MR1: variants seen among roughly 807,000 people sequenced by gnomAD.
MR1 encodes the protein major histocompatibility complex, class I-related, also known as major histocompatibility complex class I-related protein 1.
In MR1, 44 loss-of-function variants were observed where a neutral mutation model predicts 37.8. The observed-to-expected ratio is 1.16, with a 90% CI of 0.91 to 1.50. The LOEUF is 1.50. MR1 is among the 40% of genes most tolerant of loss of function. The probability of loss-of-function intolerance (pLI) is 0.00; values close to 1 mark genes in which losing one functional copy is unlikely to be tolerated. For synonymous variants in MR1, 153 were observed against 155.8 expected (o/e 0.98, Z 0.13); for missense variants, 386 against 419.1 (o/e 0.92, Z 0.69).
rs1658787837 is a variant in MR1 at position 181,059,208 on chromosome 1, T to C, written c.*3943T>C. The C allele has an allele frequency of 6.6e-6, 1 of 152,194 alleles. No individual in the cohort carries two copies. Among genetic ancestry groups the C allele is most frequent in the South Asian group, 2.1e-4 (1 of 4,832 alleles). The allele number at this position is 152,194 out of a possible 1,614,324, so 9.4% of individuals were successfully genotyped here. On this transcript the variant is annotated 3_prime_UTR_variant, in exon 6 of 6. Coordinates refer to ENST00000367580, the MANE Select transcript of MR1 (RefSeq NM_001385161.1). The stretch of plus-strand genomic sequence containing the variant: ...TAGCTTCAGGACATTCAGTACATTG[T>C]GCTTTTTAGAGGTTGATGATTCCAC...
intron 5 of MR1, among the ~76,000 whole-genome samples, chr1:181,054,698 T>TAA (rs11400602): frequency 8.1e-4 from 119 of 146,136 alleles, no homozygotes; most frequent in African/African-American, 2.2e-3. Flanking sequence ...CTGAAAATAT[T>TAA]AAAAAAAAAA....
At chr1:181,045,288 G>C (rs931836777) in intron 1 of MR1, among the ~76,000 whole-genome samples, 3 of 152,096 alleles carry the variant, frequency 2.0e-5, no homozygotes, top group Non-Finnish European at 4.4e-5. Flanking sequence ...TGCAGACACC[G>C]GCAGGCAGAG....
rs746985326 is a variant in MR1, at chr1:181,053,682, G to A, written c.985+5G>A. On this transcript the variant is annotated splice_donor_5th_base_variant and intron_variant, in intron 5 of 5. Coordinates refer to ENST00000367580, the MANE Select transcript of MR1 (RefSeq NM_001385161.1). The stretch of plus-strand genomic sequence containing the variant: ...TCTGGAGAAGAAGGCCCCGAGGTGA[G>A]AGGCACATGGAAGGGATCCAGGGGG... 6.3e-7 allele frequency: 1 copy of A among 1,598,572 alleles called. No homozygotes were observed. Among genetic ancestry groups the A allele is most frequent in the East Asian group, 2.2e-5 (1 of 44,814 alleles).
intron 1 of MR1, among the ~76,000 whole-genome samples, chr1:181,034,870 T>C (rs949475871): frequency 6.6e-6 from 1 of 152,164 alleles, no homozygotes; most frequent in African/African-American, 2.4e-5. Context: ...GGGGGGTGGA[T>C]GATTAGAAAT....
In MR1 at chr1:181,059,027, T is replaced by A. The variant is rs2102414033; in HGVS notation, c.*3762T>A. ...GAGTTTGCTATTTTCTCACACACAG[T>A]GTATTAGTTCACAGAATGTTCTCCA... On this transcript the variant is annotated 3_prime_UTR_variant, in exon 6 of 6. Coordinates refer to ENST00000367580, the MANE Select transcript of MR1 (RefSeq NM_001385161.1). The A allele has an allele frequency of 6.6e-6, 1 of 152,324 alleles. No homozygotes were observed. Among genetic ancestry groups the A allele is most frequent in the East Asian group, 1.9e-4 (1 of 5,180 alleles). The allele number at this position is 152,324 out of a possible 1,614,324, so 9.4% of individuals were successfully genotyped here.
intron 3 of MR1, chr1:181,050,946 G>A (rs150689890): frequency 1.3e-5 from 2 of 152,178 alleles, no homozygotes; most frequent in African/African-American, 4.8e-5. Context: ...CCATGATCAT[G>A]ATCAGCCTGG....
At chr1:181,040,444 T>G (rs1229482213) in intron 1 of MR1, among the ~76,000 whole-genome samples, 2 of 152,194 alleles carry the variant, frequency 1.3e-5, no homozygotes, top group African/African-American at 4.8e-5. Flanking sequence ...ACCTGGACTT[T>G]TCCTCATCTT....
intron 1 of MR1, among the ~76,000 whole-genome samples, chr1:181,048,821 G>A (rs1313290589): frequency 2.0e-5 from 3 of 152,128 alleles, no homozygotes; most frequent in Non-Finnish European, 4.4e-5. Context: ...ATTCCATCCT[G>A]CATTTGCAAA....
chr1:181,044,282 T>G (rs931105515), intron 1 of MR1, among the ~76,000 whole-genome samples: 1 of 152,148 alleles, frequency 6.6e-6, no homozygotes, highest in Non-Finnish European at 1.5e-5. Flanking sequence ...TTCTTAACTA[T>G]ATGCTTATAA....
intron 3 of MR1, 62 bp downstream of exon 3, chr1:181,050,348 C>G: frequency 6.3e-7 from 1 of 1,597,460 alleles, no homozygotes; most frequent in Non-Finnish European, 8.6e-7. Flanking sequence ...ATACGTAACT[C>G]TTTTAATCTA....
intron 2 of MR1, 166 bp from the exon 3 acceptor site, chr1:181,049,845 G>A: frequency 1.4e-6 from 1 of 697,542 alleles, no homozygotes; most frequent in Non-Finnish European, 2.4e-6. Context: ...CTGACAGGTG[G>A]GCTTCCATAA....
intron 1 of MR1, among the ~76,000 whole-genome samples, chr1:181,046,533 A>G (rs1218289005): frequency 1.3e-5 from 2 of 152,286 alleles, no homozygotes; most frequent in Non-Finnish European, 2.9e-5. Flanking sequence ...CTTTGTGTCT[A>G]GCTGAGGGAT....
At chr1:181,044,903 G>A (rs927495481) in intron 1 of MR1, among the ~76,000 whole-genome samples, 1 of 152,222 alleles carries the variant, frequency 6.6e-6, no homozygotes, top group African/African-American at 2.4e-5. Context: ...AGAAAAAGAG[G>A]TGAGTCTCAG....
chr1:181,040,024 A>G (rs747451637), intron 1 of MR1, among the ~76,000 whole-genome samples: 1 of 152,166 alleles, frequency 6.6e-6, no homozygotes, highest in Non-Finnish European at 1.5e-5. Context: ...ATTTAGAACT[A>G]TCAAGTAGCC....
intron 5 of MR1, among the ~76,000 whole-genome samples, chr1:181,053,966 T>A (rs1177639781): frequency 2.0e-5 from 3 of 152,226 alleles, no homozygotes; most frequent in Non-Finnish European, 4.4e-5. Flanking sequence ...GATATGGGGA[T>A]CTTGATTTGT....
Position 181,052,305 on chromosome 1 carries a change from T to C in MR1, c.675T>C (p.His225=), listed in dbSNP as rs2102400753. ...TTACAGCTCTCTTCTGCAAAGCTCATGGCTTTTACCCCCCAGAAATTTACA... is the reference window on the plus strand; with the variant it reads ...TTACAGCTCTCTTCTGCAAAGCTCACGGCTTTTACCCCCCAGAAATTTACA... ...PGVTALFCKA[H]GFYPPEIYMT... Residue 225 remains histidine (H), a synonymous_variant, in exon 4 of 6, where the codon CAT becomes CAC. Coordinates refer to ENST00000367580, the MANE Select transcript of MR1 (RefSeq NM_001385161.1). The C allele has an allele frequency of 1.2e-6, 2 of 1,614,224 alleles. No homozygotes were observed. The highest frequency in any genetic ancestry group is 1.3e-5 in the African/African-American group (1 of 75,056).
chr1:181,046,727 C>T (rs1309154427), intron 1 of MR1, among the ~76,000 whole-genome samples: 2 of 152,142 alleles, frequency 1.3e-5, no homozygotes, highest in Non-Finnish European at 2.9e-5. Flanking sequence ...AATCCTGCTG[C>T]TGCTCACTCT....
In MR1 at chr1:181,055,424, A is replaced by T. The variant is rs1351186583; in HGVS notation, c.*159A>T. 1 of 644,702 alleles carries T rather than the reference A, an allele frequency of 1.6e-6. No homozygotes were observed. The highest frequency in any genetic ancestry group is 2.7e-6 in the Non-Finnish European group (1 of 369,560). 39.9% of individuals were successfully genotyped at this position (644,702 alleles called of 1,614,324 possible). On this transcript the variant is annotated 3_prime_UTR_variant, in exon 6 of 6. Transcript: ENST00000367580. ...TATGGCAGCAACAGAGGAGCCACAA[A>T]ATGTTCTTTGTTCTTTGGCTCCAAA...
At chr1:181,048,142 G>A (rs528382471) in intron 1 of MR1, among the ~76,000 whole-genome samples, 17 of 148,888 alleles carry the variant, frequency 1.1e-4, no homozygotes, top group African/African-American at 3.5e-4. Flanking sequence ...GCTTGAACCC[G>A]GTAGGCGGAG....
Sources: allele counts gnomAD v4.1 joint callset (sites outside exome capture counted in the v4.1 genomes callset), GRCh38; gene constraint gnomAD v4.1.1; transcripts MANE v1.5; gene names NCBI Gene and HGNC (gene_info 2026-07-23, HGNC 2026-07-21).